HECW1: variants seen among roughly 807,000 people sequenced by gnomAD.
HECW1 encodes the protein HECT, C2 and WW domain containing E3 ubiquitin protein ligase 1.
Under a neutral mutation model 182.3 loss-of-function variants are expected in HECW1, and 61 were observed. The ratio of observed to expected loss-of-function variants is 0.33; its 90% CI spans 0.27 to 0.41. The LOEUF is 0.41. HECW1 is among the 10% of genes least tolerant of loss of function. The pLI is 1.00. For synonymous variants in HECW1, 859 were observed against 832.6 expected (o/e 1.03, Z -0.55); for missense variants, 1,739 against 2,108.9 (o/e 0.82, Z 3.44).
intron 6 of HECW1, among the ~76,000 whole-genome samples, chr7:43,394,924 G>T (rs1485558192): frequency 3.9e-5 from 6 of 152,258 alleles, no homozygotes; most frequent in South Asian, 2.1e-4. Context: ...GGTTGGAGGG[G>T]GTGGAAGCTA....
At position 43,320,879 on chromosome 7, in the gene HECW1, C is replaced by T; in HGVS notation, c.460+137C>T. ...AGAGAGGTGTAGATTTAAAGAGATC[C>T]TTAAAAAGATGTTCAGTAGTAAGTG... On this transcript the variant is annotated intron_variant, in intron 5 of 29. Transcript: ENST00000395891. The T allele has an allele frequency of 4.3e-6, 3 of 693,358 alleles. No homozygotes were observed. In the South Asian group the frequency reaches 5.1e-5, roughly 12 times the overall value. The allele number at this position is 693,358 out of a possible 1,614,324, so 43.0% of individuals were successfully genotyped here.
chr7:43,422,936 G>C (rs10258153), intron 8 of HECW1, among the ~76,000 whole-genome samples: 2 of 152,050 alleles, frequency 1.3e-5, no homozygotes, highest in Non-Finnish European at 2.9e-5. Context: ...GCCGAGAGTC[G>C]TGGTCTCCAG....
Position 43,135,161 on chromosome 7 carries a change from T to C in HECW1, c.-32+20770T>C, listed in dbSNP as rs73097369. Among the ~76,000 whole-genome samples, 1,368 of 152,268 alleles carry C rather than the reference T, an allele frequency of 9.0e-3. 9 individuals are homozygous for C. Among genetic ancestry groups the C allele is most frequent in the Non-Finnish European group, 0.015 (1,005 of 68,022 alleles). The stretch of plus-strand genomic sequence containing the variant: ...CTTACTAACAGGGCCACGACTTAAT[T>C]TGGGAATGGTCTCTTCTTAACAGCT... On this transcript the variant is annotated intron_variant, in intron 2 of 29. Transcript: ENST00000395891.
chr7:43,159,247 A>C (rs977802322), intron 2 of HECW1, among the ~76,000 whole-genome samples: 13 of 150,960 alleles, frequency 8.6e-5, no homozygotes, highest in African/African-American at 2.7e-4. Flanking sequence ...GGTTTGATAT[A>C]TATGTATACA....
At chr7:43,330,897 G>T (rs1811383563) in intron 5 of HECW1, among the ~76,000 whole-genome samples, 1 of 152,142 alleles carries the variant, frequency 6.6e-6, no homozygotes, top group African/African-American at 2.4e-5. Flanking sequence ...CAGTCCTGTG[G>T]GATGGCTGGC....
chr7:43,278,475 G>T (rs1269473238), intron 3 of HECW1, among the ~76,000 whole-genome samples: 1 of 151,982 alleles, frequency 6.6e-6, no homozygotes, highest in Non-Finnish European at 1.5e-5. Flanking sequence ...CCACCCATGC[G>T]GCCCGTTCTC....
chr7:43,212,576 C>T (rs1475661410), intron 2 of HECW1, among the ~76,000 whole-genome samples: 1 of 152,046 alleles, frequency 6.6e-6, no homozygotes, highest in East Asian at 1.9e-4. Context: ...TATTACGCTG[C>T]ACTCTTCTTA....
chr7:43,479,041 T>C (rs750171885), intron 16 of HECW1, among the ~76,000 whole-genome samples: 48 of 152,216 alleles, frequency 3.2e-4, no homozygotes, highest in Non-Finnish European at 4.6e-4. Flanking sequence ...GGACCAGTTT[T>C]ATGGAAGGCA....
chr7:43,326,292 C>T (rs1007517863), intron 5 of HECW1, among the ~76,000 whole-genome samples: 4 of 152,234 alleles, frequency 2.6e-5, no homozygotes, highest in African/African-American at 9.6e-5. Flanking sequence ...ATGACTCCCC[C>T]CTTGACCATG....
chr7:43,324,799 A>T (rs537038260), intron 5 of HECW1, among the ~76,000 whole-genome samples: 8 of 152,352 alleles, frequency 5.3e-5, no homozygotes, highest in Non-Finnish European at 1.2e-4. Context: ...GGATTAAATT[A>T]ACATAATAAA....
intron 3 of HECW1, among the ~76,000 whole-genome samples, chr7:43,291,435 T>C (rs1805387499): frequency 6.6e-6 from 1 of 152,336 alleles, no homozygotes; most frequent in African/African-American, 2.4e-5. Flanking sequence ...GGAAGGGACA[T>C]AGGCTGCAAG....
At chr7:43,540,169 A>C (rs78525106) in intron 24 of HECW1, among the ~76,000 whole-genome samples, 332 of 152,374 alleles carry the variant, frequency 2.2e-3, no homozygotes, top group African/African-American at 7.1e-3. Flanking sequence ...TATAGCAGCT[A>C]TAGAGTAGGA....
chr7:43,114,073 C>T (rs1784854471), intron 1 of HECW1, 84 bp from the exon 2 acceptor site: 3 of 421,584 alleles, frequency 7.1e-6, no homozygotes, highest in East Asian at 4.5e-5. Context: ...TATTATTTGA[C>T]GTTGCTGTAG....
At chr7:43,479,022 T>A (rs964707810) in intron 16 of HECW1, among the ~76,000 whole-genome samples, 3 of 152,212 alleles carry the variant, frequency 2.0e-5, no homozygotes, top group Non-Finnish European at 4.4e-5. Flanking sequence ...CCAACCTTTC[T>A]GACACCAGGG....
chr7:43,526,330 T>C (rs1053536368), intron 24 of HECW1, among the ~76,000 whole-genome samples: 5 of 152,208 alleles, frequency 3.3e-5, no homozygotes, highest in African/African-American at 9.6e-5. Flanking sequence ...TGTCCCTAGA[T>C]TGTACACTCC....
chr7:43,209,328 C>T lies in HECW1; in HGVS notation c.-31-34547C>T, dbSNP rs568015834. Among the ~76,000 whole-genome samples, 5 of 152,268 alleles carry T rather than the reference C, an allele frequency of 3.3e-5. No individual in the cohort carries two copies. In the South Asian group the frequency reaches 6.2e-4, roughly 19 times the overall value. The stretch of plus-strand genomic sequence containing the variant: ...ATCAGAGCCAGAGCTGATGATGCCT[C>T]GCAGGCAAGTGTCCTCAGCCAGGGC... On this transcript the variant is annotated intron_variant, in intron 2 of 29. Transcript: ENST00000395891.
At chr7:43,296,458 C>G (rs1806065472) in intron 3 of HECW1, among the ~76,000 whole-genome samples, 1 of 152,104 alleles carries the variant, frequency 6.6e-6, no homozygotes, top group African/African-American at 2.4e-5. Context: ...AGTGAGGCCC[C>G]TGGTTCATGA....
At chr7:43,410,424 C>T (rs1031658167) in intron 8 of HECW1, among the ~76,000 whole-genome samples, 2 of 152,112 alleles carry the variant, frequency 1.3e-5, no homozygotes, top group Admixed American at 1.3e-4. Context: ...AACGTAATGA[C>T]CTCCAAAGGC....
At chr7:43,127,244 C>T (rs1786346889) in intron 2 of HECW1, among the ~76,000 whole-genome samples, 1 of 152,150 alleles carries the variant, frequency 6.6e-6, no homozygotes, top group Non-Finnish European at 1.5e-5. Context: ...AAACAGCTGG[C>T]CGGGCAAGGT....
Sources: gnomAD v4.1 joint callset for allele counts (sites outside exome capture counted in the v4.1 genomes callset) on GRCh38, gnomAD v4.1.1 for gene constraint, MANE v1.5 for transcripts, NCBI Gene and HGNC (gene_info 2026-07-23, HGNC 2026-07-21) for gene names.